SPPL3: variants seen among roughly 807,000 people sequenced by gnomAD.
SPPL3 encodes the protein signal peptide peptidase-like 3.
In SPPL3, 5 loss-of-function variants were observed where a neutral mutation model predicts 42.4. That is an observed-to-expected ratio of 0.12 (90% CI 0.06 to 0.25). The LOEUF (loss-of-function observed/expected upper bound fraction) is 0.25, where lower values mean the gene tolerates loss of function less well. Among genes scored for constraint, SPPL3 ranks in the 10% least tolerant of loss-of-function variants. The probability of loss-of-function intolerance (pLI) is 1.00; values close to 1 mark genes in which losing one functional copy is unlikely to be tolerated. For missense variants in SPPL3, 235 were observed against 489.0 expected (o/e 0.48, Z 4.90); for synonymous variants, 195 against 181.8 (o/e 1.07, Z -0.58).
chr12:120,807,224 C>A (rs779889374), intron 2 of SPPL3, among the ~76,000 whole-genome samples: 1 of 152,166 alleles, frequency 6.6e-6, no homozygotes, highest in Admixed American at 6.5e-5. Context: ...TGAGATACCA[C>A]TTCACACCTT....
intron 1 of SPPL3, among the ~76,000 whole-genome samples, chr12:120,852,698 TTTTACATATATGA>T (rs1234153494): frequency 6.4e-5 from 2 of 31,020 alleles, no homozygotes; most frequent in African/African-American, 1.7e-4. Flanking sequence ...AATATACATA[TTTTACATATATGA>T]AATATATTTT....
intron 6 of SPPL3, 43 bp downstream of exon 6, chr12:120,782,612 T>G: frequency 7.1e-7 from 1 of 1,415,368 alleles, no homozygotes. Flanking sequence ...TCTATAAAAC[T>G]CTATAAAGTA....
chr12:120,822,014 T>G (rs1001023469), intron 1 of SPPL3, among the ~76,000 whole-genome samples: 1 of 152,164 alleles, frequency 6.6e-6, no homozygotes, highest in African/African-American at 2.4e-5. Flanking sequence ...AATATTGTTA[T>G]GACTCAACTT....
intron 1 of SPPL3, chr12:120,845,597 G>T: frequency 4.3e-6 from 2 of 470,076 alleles, no homozygotes; most frequent in Non-Finnish European, 4.1e-6. Context: ...CCATGAGGAT[G>T]CACATTTCTT....
chr12:120,857,852 G>A (rs1298208452), intron 1 of SPPL3, among the ~76,000 whole-genome samples: 2 of 152,180 alleles, frequency 1.3e-5, no homozygotes, highest in Admixed American at 6.6e-5. Flanking sequence ...AGGATAAACA[G>A]CTAATGCATG....
intron 1 of SPPL3, among the ~76,000 whole-genome samples, chr12:120,874,367 T>G (rs796483074): frequency 6.7e-5 from 10 of 148,378 alleles, no homozygotes; most frequent in African/African-American, 2.5e-4. Context: ...GCAGGAGAAT[T>G]GATTGAACCT....
intron 1 of SPPL3, among the ~76,000 whole-genome samples, chr12:120,873,253 A>C (rs1872982481): frequency 6.6e-6 from 1 of 152,200 alleles, no homozygotes; most frequent in African/African-American, 2.4e-5. Context: ...CACAGCAGTA[A>C]AAAGTACCCA....
intron 8 of SPPL3, 106 bp from the exon 9 acceptor site, chr12:120,767,699 C>T (rs1239752488): frequency 9.0e-7 from 1 of 1,116,140 alleles, no homozygotes; most frequent in South Asian, 1.5e-5. Flanking sequence ...AGCTTATCTG[C>T]ATGGCAGATG....
At chr12:120,828,418 A>G (rs1871293951) in intron 1 of SPPL3, among the ~76,000 whole-genome samples, 1 of 151,910 alleles carries the variant, frequency 6.6e-6, no homozygotes, top group African/African-American at 2.4e-5. Context: ...AAAAAACTAG[A>G]AAAAAAAGAG....
At chr12:120,899,787 G>A (rs1326810475) in intron 1 of SPPL3, among the ~76,000 whole-genome samples, 4 of 150,418 alleles carry the variant, frequency 2.7e-5, no homozygotes. Context: ...CAGCTACTCG[G>A]GAGGCTGAGG....
At chr12:120,856,575 T>C (rs966965352) in intron 1 of SPPL3, among the ~76,000 whole-genome samples, 5 of 141,486 alleles carry the variant, frequency 3.5e-5, no homozygotes, top group Admixed American at 7.4e-5. Context: ...AAAATTTAAC[T>C]ATGGGACAAG....
chr12:120,863,352 GAAAA>G (rs71076670), intron 1 of SPPL3, among the ~76,000 whole-genome samples: 2 of 135,256 alleles, frequency 1.5e-5, no homozygotes, highest in African/African-American at 2.8e-5. Context: ...CATCTCAAAA[GAAAA>G]AAAAAAAAAG....
At chr12:120,782,831 T>C (rs1869590301) in intron 5 of SPPL3, 64 bp from the exon 6 acceptor site, 1 of 1,193,852 alleles carries the variant, frequency 8.4e-7, no homozygotes, top group Non-Finnish European at 1.2e-6. Context: ...AATTCTCCTT[T>C]GGTATTTCGT....
intron 1 of SPPL3, among the ~76,000 whole-genome samples, chr12:120,845,808 T>G (rs1401120047): frequency 1.3e-5 from 2 of 152,164 alleles, no homozygotes; most frequent in Non-Finnish European, 1.5e-5. Flanking sequence ...ATTTTCTGCC[T>G]ACCTAATTTC....
intron 1 of SPPL3, among the ~76,000 whole-genome samples, chr12:120,874,981 C>T (rs542187666): frequency 6.6e-6 from 1 of 152,138 alleles, no homozygotes; most frequent in South Asian, 2.1e-4. Flanking sequence ...AAAATTTAGG[C>T]CACATAAAAA....
intron 1 of SPPL3, among the ~76,000 whole-genome samples, chr12:120,825,636 G>A (rs1342040071): frequency 2.0e-5 from 3 of 152,210 alleles, no homozygotes; most frequent in Non-Finnish European, 4.4e-5. Context: ...TTAAATTATG[G>A]TGTACTTGAA....
intron 1 of SPPL3, among the ~76,000 whole-genome samples, chr12:120,897,169 A>G (rs1873833327): frequency 6.6e-6 from 1 of 152,234 alleles, no homozygotes; most frequent in Non-Finnish European, 1.5e-5. Context: ...TGTCATCTCT[A>G]AAATAAATGA....
chr12:120,824,449 A>T (rs2084899076), intron 1 of SPPL3, among the ~76,000 whole-genome samples: 1 of 152,226 alleles, frequency 6.6e-6, no homozygotes, highest in South Asian at 2.1e-4. Context: ...CGGATATAGA[A>T]TTTAACAAGT....
chr12:120,835,446 G>A (rs1871580579), intron 1 of SPPL3: 1 of 152,204 alleles, frequency 6.6e-6, no homozygotes, highest in Non-Finnish European at 1.5e-5. Context: ...TACAGTTATA[G>A]ATGATCAAGA....
Sources: gnomAD v4.1 joint callset for allele counts (sites outside exome capture counted in the v4.1 genomes callset) on GRCh38, gnomAD v4.1.1 for gene constraint, MANE v1.5 for transcripts, NCBI Gene and HGNC (gene_info 2026-07-23, HGNC 2026-07-21) for gene names.